UNC13C: variants seen among roughly 807,000 people sequenced by gnomAD.
The protein encoded by UNC13C is protein unc-13 homolog C.
UNC13C carries 174 observed loss-of-function variants against 245.4 expected under a neutral mutation model. That is an observed-to-expected ratio of 0.71 (90% CI 0.63 to 0.80). UNC13C has a LOEUF of 0.80. UNC13C is among the 30% of genes least tolerant of loss of function. UNC13C has a pLI of 0.00. For synonymous variants in UNC13C, 992 were observed against 895.1 expected, an observed-to-expected ratio of 1.11 and a Z score of -1.93; for missense variants, 2,829 against 2,602.9, an observed-to-expected ratio of 1.09 and a Z score of -1.89.
At chr15:54,016,031 T>C in intron 2 of UNC13C, 145 bp downstream of exon 2, 2 of 708,716 alleles carry the variant, frequency 2.8e-6, no homozygotes, top group South Asian at 2.4e-5. Flanking sequence ...CATTTTGTTT[T>C]ACTCAGGCAG....
chr15:54,017,572 G>T (rs1274901051), intron 2 of UNC13C, among the ~76,000 whole-genome samples: 1 of 152,004 alleles, frequency 6.6e-6, no homozygotes, highest in Non-Finnish European at 1.5e-5. Flanking sequence ...GTTGGTTAAT[G>T]TAGTTGCTTG....
intron 1 of UNC13C, among the ~76,000 whole-genome samples, chr15:53,987,718 A>G (rs939050072): frequency 2.0e-5 from 3 of 152,060 alleles, no homozygotes; most frequent in African/African-American, 7.2e-5. Flanking sequence ...GGTTTGAAAC[A>G]TGCACACAAA....
At chr15:54,475,355 G>A (rs976272372) in intron 19 of UNC13C, among the ~76,000 whole-genome samples, 4 of 150,954 alleles carry the variant, frequency 2.6e-5, no homozygotes, top group Non-Finnish European at 4.4e-5. Context: ...TGTGCACAAT[G>A]TGCAGGTTAG....
intron 16 of UNC13C, among the ~76,000 whole-genome samples, chr15:54,338,067 T>A (rs2038636106): frequency 6.6e-6 from 1 of 152,166 alleles, no homozygotes; most frequent in Non-Finnish European, 1.5e-5. Flanking sequence ...ATCTGGCATA[T>A]AGGAAGTGAT....
At chr15:54,499,343 C>T (rs1436359427) in intron 20 of UNC13C, among the ~76,000 whole-genome samples, 1 of 152,076 alleles carries the variant, frequency 6.6e-6, no homozygotes, top group African/African-American at 2.4e-5. Flanking sequence ...ATCAAAGCAC[C>T]TCCTACCAGG....
chr15:54,380,133 C>T (rs1268599248), intron 17 of UNC13C, among the ~76,000 whole-genome samples: 1 of 151,934 alleles, frequency 6.6e-6, no homozygotes, highest in African/African-American at 2.4e-5. Context: ...CTCTAAGCCC[C>T]CACCCCCAAC....
intron 2 of UNC13C, among the ~76,000 whole-genome samples, chr15:54,079,085 T>C (rs1466412511): frequency 6.7e-6 from 1 of 149,396 alleles, no homozygotes; most frequent in African/African-American, 2.4e-5. Context: ...TCTCTTTGTC[T>C]ATTTTTGTTG....
At chr15:54,578,347 G>A (rs1018680480) in intron 30 of UNC13C, among the ~76,000 whole-genome samples, 6 of 151,624 alleles carry the variant, frequency 4.0e-5, no homozygotes, top group South Asian at 2.1e-4. Context: ...TTTTTTTATC[G>A]CACTCACATT....
chr15:54,343,023 C>T (rs1406347787), intron 17 of UNC13C, among the ~76,000 whole-genome samples: 1 of 152,154 alleles, frequency 6.6e-6, no homozygotes, highest in Non-Finnish European at 1.5e-5. Context: ...TACTTTCCAT[C>T]TTCCTCCCAT....
chr15:54,540,378 A>G (rs1896188966), intron 26 of UNC13C, among the ~76,000 whole-genome samples: 1 of 152,094 alleles, frequency 6.6e-6, no homozygotes, highest in African/African-American at 2.4e-5. Flanking sequence ...TTTATTGCCA[A>G]CCAATACACA....
intron 4 of UNC13C, among the ~76,000 whole-genome samples, chr15:54,211,294 C>T (rs906168244): frequency 2.0e-5 from 3 of 151,926 alleles, no homozygotes; most frequent in Admixed American, 2.0e-4. Context: ...TGCTAAGGGT[C>T]CATGGCAATC....
chr15:54,098,122 G>A (rs893805781), intron 2 of UNC13C, among the ~76,000 whole-genome samples: 3 of 152,170 alleles, frequency 2.0e-5, no homozygotes, highest in African/African-American at 7.2e-5. Context: ...GGATGGGATA[G>A]CTGGGCTAAA....
intron 28 of UNC13C, among the ~76,000 whole-genome samples, chr15:54,554,206 C>T (rs138825999): frequency 3.6e-4 from 55 of 151,952 alleles, no homozygotes; most frequent in African/African-American, 1.2e-3. Context: ...AAAATAGACA[C>T]GGAAAAGCTG....
At chr15:54,417,919 G>T (rs931220019) in intron 19 of UNC13C, among the ~76,000 whole-genome samples, 36 of 151,172 alleles carry the variant, frequency 2.4e-4, no homozygotes, top group African/African-American at 8.3e-4. Flanking sequence ...TATGTTTTAT[G>T]TATGTTTGTT....
intron 2 of UNC13C, among the ~76,000 whole-genome samples, chr15:54,039,094 A>G (rs1896708062): frequency 1.3e-5 from 2 of 152,200 alleles, no homozygotes; most frequent in Admixed American, 1.3e-4. Context: ...CATGCCCTTT[A>G]GAAGACATTG....
chr15:54,373,922 C>T (rs1567223216), intron 17 of UNC13C, among the ~76,000 whole-genome samples: 1 of 151,992 alleles, frequency 6.6e-6, no homozygotes, highest in East Asian at 1.9e-4. Flanking sequence ...TCTGGAGACT[C>T]GAAGTGGGTA....
At chr15:53,988,278 G>A (rs553360013) in intron 1 of UNC13C, among the ~76,000 whole-genome samples, 3 of 152,076 alleles carry the variant, frequency 2.0e-5, no homozygotes, top group Non-Finnish European at 2.9e-5. Context: ...TCCTATGTTT[G>A]ACATTATTAA....
rs760327890 is a variant in UNC13C, at chr15:54,027,328, T to C, written c.2983+11442T>C. Among the ~76,000 whole-genome samples, 61 of 152,118 alleles carry C rather than the reference T, an allele frequency of 4.0e-4. 1 individual carries two copies. Among genetic ancestry groups the C allele is most frequent in the Non-Finnish European group, 1.9e-4 (13 of 68,024 alleles). On this transcript the variant is annotated intron_variant, in intron 2 of 32. Transcript: ENST00000260323. ...CATGGAAGAAGAGTAAGATAATGAG[T>C]TGTAGGAGTTATGTCAAACAAGATA...
rs535280210 is a variant in UNC13C at position 54,171,315 on chromosome 15, A to G, written c.3071+27631A>G. On this transcript the variant is annotated intron_variant, in intron 4 of 32. Coordinates refer to ENST00000260323, the MANE Select transcript of UNC13C (RefSeq NM_001080534.3). ...AAACAATCAGCAAAGTGAAGAGACA[A>G]TCCACAGAATGGGAGAAAATATTTG... Among the ~76,000 whole-genome samples the G allele has an allele frequency of 2.6e-3, 395 of 152,302 alleles. 4 individuals are homozygous for G. The highest frequency in any genetic ancestry group is 6.8e-3 in the Middle Eastern group (2 of 294).
Sources: allele counts gnomAD v4.1 joint callset (sites outside exome capture counted in the v4.1 genomes callset), GRCh38; gene constraint gnomAD v4.1.1; transcripts MANE v1.5; gene names NCBI Gene and HGNC (gene_info 2026-07-23, HGNC 2026-07-21).